ITPR2: variants seen among roughly 807,000 people sequenced by gnomAD.
The protein encoded by ITPR2 is inositol 1,4,5-trisphosphate receptor type 2.
ITPR2 carries 207 observed loss-of-function variants against 317.1 expected under a neutral mutation model. That is an observed-to-expected ratio of 0.65 (90% CI 0.58 to 0.73). The LOEUF (loss-of-function observed/expected upper bound fraction) is 0.73, where lower values mean the gene tolerates loss of function less well. Among genes scored for constraint, ITPR2 ranks in the 30% least tolerant of loss-of-function variants. ITPR2 has a pLI of 0.00. For missense variants in ITPR2, 2,613 were observed against 3,284.0 expected, an observed-to-expected ratio of 0.80 and a Z score of 4.99; for synonymous variants, 1,156 against 1,149.1, an observed-to-expected ratio of 1.01 and a Z score of -0.12.
chr12:26,687,384 TACAC>T (rs971355700), intron 10 of ITPR2, among the ~76,000 whole-genome samples: 8 of 152,130 alleles, frequency 5.3e-5, no homozygotes, highest in Admixed American at 2.0e-4. Flanking sequence ...AATAGTGACT[TACAC>T]ATATTTATTA....
At chr12:26,582,194 A>G (rs1044546649) in intron 32 of ITPR2, among the ~76,000 whole-genome samples, 3 of 152,200 alleles carry the variant, frequency 2.0e-5, no homozygotes, top group African/African-American at 7.2e-5. Context: ...TTATAATATC[A>G]TGGACAGCCA....
intron 35 of ITPR2, among the ~76,000 whole-genome samples, chr12:26,561,525 C>T (rs888168368): frequency 2.6e-5 from 4 of 152,078 alleles, no homozygotes; most frequent in Admixed American, 6.5e-5. Flanking sequence ...GATATTAAGA[C>T]CCACTATTCA....
At chr12:26,626,588 G>A (rs1419045466) in intron 23 of ITPR2, among the ~76,000 whole-genome samples, 2 of 152,224 alleles carry the variant, frequency 1.3e-5, no homozygotes, top group Non-Finnish European at 2.9e-5. Context: ...ATAGCCCTTT[G>A]GGGTTCTACA....
intron 2 of ITPR2, among the ~76,000 whole-genome samples, chr12:26,747,642 A>G (rs1040166855): frequency 2.6e-5 from 4 of 152,118 alleles, no homozygotes; most frequent in African/African-American, 9.7e-5. Context: ...ACTGAAGCTC[A>G]TGGCTCATCA....
chr12:26,689,300 T>C (rs1025755942), intron 10 of ITPR2, among the ~76,000 whole-genome samples: 5 of 152,022 alleles, frequency 3.3e-5, no homozygotes, highest in African/African-American at 1.2e-4. Flanking sequence ...GCCTATGGTC[T>C]CAGCTACTCA....
intron 37 of ITPR2, among the ~76,000 whole-genome samples, chr12:26,529,020 C>T (rs1943881924): frequency 6.6e-6 from 1 of 152,194 alleles, no homozygotes; most frequent in South Asian, 2.1e-4. Flanking sequence ...AATCCTACAA[C>T]TTCTTGCCTC....
chr12:26,638,715 T>C (rs1946915361), intron 21 of ITPR2, among the ~76,000 whole-genome samples: 1 of 152,186 alleles, frequency 6.6e-6, no homozygotes, highest in Admixed American at 6.5e-5. Context: ...AGATAGCATG[T>C]TTCTCAAATG....
At chr12:26,476,320 T>C (rs1346971810) in intron 44 of ITPR2, among the ~76,000 whole-genome samples, 2 of 152,192 alleles carry the variant, frequency 1.3e-5, no homozygotes, top group Non-Finnish European at 2.9e-5. Flanking sequence ...TTCTCAATGC[T>C]TTTGGAACCC....
Position 26,654,132 on chromosome 12 carries a change from T to TAA in ITPR2, c.2590-8_2590-7dup, listed in dbSNP as rs754965250. 5,143 of 841,812 alleles carry TAA rather than the reference T, an allele frequency of 6.1e-3. No homozygotes were observed. Among genetic ancestry groups the TAA allele is most frequent in the South Asian group, 8.2e-3 (414 of 50,586 alleles). The allele number at this position is 841,812 out of a possible 1,614,324, so 52.1% of individuals were successfully genotyped here. On this transcript the variant is annotated splice_region_variant and splice_polypyrimidine_tract_variant and intron_variant, in intron 20 of 56. Coordinates refer to ENST00000381340, the MANE Select transcript of ITPR2 (RefSeq NM_002223.4). Reference sequence around the variant, plus strand: ...TTCCGAGCCAAGTGGACCACCTTAATAAAAAAAAAAAAGCGGGGAGGGGGA... The same window carrying TAA: ...TTCCGAGCCAAGTGGACCACCTTAATAAAAAAAAAAAAAAGCGGGGAGGGGGA...
At chr12:26,829,914 T>G (rs1234442137) in intron 1 of ITPR2, among the ~76,000 whole-genome samples, 1 of 150,928 alleles carries the variant, frequency 6.6e-6, no homozygotes. Flanking sequence ...GTTTTGTTTG[T>G]TTTTTTTGAG....
intron 48 of ITPR2, among the ~76,000 whole-genome samples, chr12:26,433,275 A>G (rs545772417): frequency 6.6e-6 from 1 of 152,142 alleles, no homozygotes; most frequent in South Asian, 2.1e-4. Context: ...GAGCCTCTAC[A>G]TTGGTTACTA....
At chr12:26,341,352 GAGA>G (rs1316900546) in intron 55 of ITPR2, among the ~76,000 whole-genome samples, 1 of 152,122 alleles carries the variant, frequency 6.6e-6, no homozygotes, top group Non-Finnish European at 1.5e-5. Flanking sequence ...TTCCATTCCA[GAGA>G]AGTCCACTGA....
intron 45 of ITPR2, among the ~76,000 whole-genome samples, chr12:26,452,823 T>G (rs557172034): frequency 2.2e-4 from 33 of 152,240 alleles, no homozygotes; most frequent in African/African-American, 7.9e-4. Flanking sequence ...ATGCCTAATC[T>G]TGGACTTCCC....
chr12:26,636,614 A>G (rs1462479050), intron 21 of ITPR2, among the ~76,000 whole-genome samples: 1 of 152,162 alleles, frequency 6.6e-6, no homozygotes, highest in Non-Finnish European at 1.5e-5. Context: ...TTTCCTTTAT[A>G]CTTCTCCCTT....
At chr12:26,448,407 C>G (rs1246133148) in intron 45 of ITPR2, among the ~76,000 whole-genome samples, 3 of 152,004 alleles carry the variant, frequency 2.0e-5, no homozygotes, top group Non-Finnish European at 2.9e-5. Context: ...TACTTGTATT[C>G]CACAACAATA....
chr12:26,644,617 G>A (rs1947070154), intron 21 of ITPR2, among the ~76,000 whole-genome samples: 1 of 152,116 alleles, frequency 6.6e-6, no homozygotes. Flanking sequence ...ATGTGCAAGG[G>A]AACTCCCCTT....
intron 2 of ITPR2, among the ~76,000 whole-genome samples, chr12:26,781,172 T>A (rs1205985484): frequency 6.6e-6 from 1 of 152,188 alleles, no homozygotes; most frequent in Non-Finnish European, 1.5e-5. Flanking sequence ...AATGAAGGTT[T>A]GGGTTACTCC....
At chr12:26,358,038 T>C (rs1938695990) in intron 55 of ITPR2, among the ~76,000 whole-genome samples, 1 of 152,190 alleles carries the variant, frequency 6.6e-6, no homozygotes, top group African/African-American at 2.4e-5. Flanking sequence ...ATGTACATAT[T>C]TAGGATATGA....
chr12:26,691,572 T>C (rs1463323622), intron 10 of ITPR2, among the ~76,000 whole-genome samples: 1 of 152,042 alleles, frequency 6.6e-6, no homozygotes, highest in African/African-American at 2.4e-5. Flanking sequence ...CCTCTCAAGT[T>C]GTACATGGAG....
Sources: allele counts gnomAD v4.1 joint callset (sites outside exome capture counted in the v4.1 genomes callset), GRCh38; gene constraint gnomAD v4.1.1; transcripts MANE v1.5; gene names NCBI Gene and HGNC (gene_info 2026-07-23, HGNC 2026-07-21).